Variants in ITGBL1 observed in about 807,000 individuals in gnomAD.
ITGBL1 encodes integrin subunit beta like 1.
A neutral mutation model predicts 68.5 loss-of-function variants in ITGBL1; 51 were observed. The observed-to-expected ratio is 0.74, with a 90% CI of 0.59 to 0.94. ITGBL1 has a LOEUF of 0.94. Among genes scored for constraint, ITGBL1 ranks in the 40% least tolerant of loss-of-function variants. ITGBL1 has a pLI of 0.00. For missense variants in ITGBL1, 649 were observed against 647.4 expected (o/e 1.00, Z -0.03); for synonymous variants, 209 against 227.3 (o/e 0.92, Z 0.72).
chr13:101,605,650 G>A (rs532597382), intron 7 of ITGBL1, among the ~76,000 whole-genome samples: 8 of 151,464 alleles, frequency 5.3e-5, no homozygotes, highest in South Asian at 2.1e-4. Context: ...GTGTGTATGC[G>A]TATGCACGTA....
At chr13:101,710,272 G>A (rs535338397) in intron 9 of ITGBL1, among the ~76,000 whole-genome samples, 2 of 152,290 alleles carry the variant, frequency 1.3e-5, no homozygotes, top group South Asian at 2.1e-4. Flanking sequence ...ACCGGCCTCC[G>A]GACTGTTGGC....
At chr13:101,568,194 C>T (rs756779146) in intron 3 of ITGBL1, among the ~76,000 whole-genome samples, 2 of 152,078 alleles carry the variant, frequency 1.3e-5, no homozygotes, top group Non-Finnish European at 2.9e-5. Flanking sequence ...TTACAGATCA[C>T]GGGTGCTTTG....
At chr13:101,544,466 A>AG (rs1171450902) in intron 2 of ITGBL1, among the ~76,000 whole-genome samples, 2 of 152,084 alleles carry the variant, frequency 1.3e-5, no homozygotes, top group Non-Finnish European at 2.9e-5. Flanking sequence ...TGCCCCTACT[A>AG]GGGGGGTGCC....
At chr13:101,605,076 ATATATGCG>A (rs1404098052) in intron 7 of ITGBL1, among the ~76,000 whole-genome samples, 2 of 145,720 alleles carry the variant, frequency 1.4e-5, no homozygotes, top group Non-Finnish European at 3.0e-5. Context: ...GTGTATATAC[ATATATGCG>A]TATATGTGTA....
intron 7 of ITGBL1, among the ~76,000 whole-genome samples, chr13:101,628,623 G>A (rs1334226907): frequency 7.1e-6 from 1 of 140,388 alleles, no homozygotes; most frequent in African/African-American, 2.8e-5. Context: ...TGTATTTTTA[G>A]TAGAGACTGT....
chr13:101,558,033 G>A (rs1017663445), intron 2 of ITGBL1, among the ~76,000 whole-genome samples: 1 of 137,282 alleles, frequency 7.3e-6, no homozygotes, highest in Non-Finnish European at 1.5e-5. Flanking sequence ...AGGTTGCAGT[G>A]AGCCGAGATC....
chr13:101,489,567 A>G (rs2048747181), intron 2 of ITGBL1, among the ~76,000 whole-genome samples: 1 of 152,194 alleles, frequency 6.6e-6, no homozygotes, highest in African/African-American at 2.4e-5. Context: ...TTGAATATAT[A>G]TCAGATATAT....
In ITGBL1 at chr13:101,583,331, C is replaced by A; in HGVS notation, c.843C>A (p.Asp281Glu). Residue 281 changes from aspartate to glutamate, a missense_variant, in exon 6 of 11, where the codon GAC (aspartate) becomes GAA (glutamate). Transcript: ENST00000376180. ...CDERDCRAVY[D>E]RYSDDFCSGH... ...AGAGGGACTGTAGAGCTGTCTATGACCGATATTCTGATGACTTCTGTTCAG... is the reference window on the plus strand; with the variant it reads ...AGAGGGACTGTAGAGCTGTCTATGAACGATATTCTGATGACTTCTGTTCAG... 1.9e-6 allele frequency: 3 copies of A among 1,596,920 alleles called. No individual in the cohort carries two copies. The highest frequency in any genetic ancestry group is 2.3e-5 in the South Asian group (2 of 88,466).
intron 9 of ITGBL1, among the ~76,000 whole-genome samples, chr13:101,708,003 A>G (rs924265288): frequency 6.7e-6 from 1 of 149,878 alleles, no homozygotes; most frequent in African/African-American, 2.5e-5. Flanking sequence ...AGCCTTCTCC[A>G]TCTCCCATCC....
At chr13:101,456,438 G>T (rs753435415) in intron 2 of ITGBL1, among the ~76,000 whole-genome samples, 1 of 152,160 alleles carries the variant, frequency 6.6e-6, no homozygotes, top group Non-Finnish European at 1.5e-5. Context: ...GATAGTTCCA[G>T]TTGTATCACT....
Position 101,548,746 on chromosome 13 carries a change from T to C in ITGBL1, c.317-18953T>C, listed in dbSNP as rs140240975. 3.5e-3 allele frequency among the ~76,000 whole-genome samples: 528 copies of C among 151,736 alleles called. 3 individuals are homozygous for C. The highest frequency in any genetic ancestry group is 0.014 in the Middle Eastern group (4 of 284). The stretch of plus-strand genomic sequence containing the variant: ...AAACAAAATATCTGAAACAAAAGGA[T>C]TATTAGAATTAATAAGAGAATATAG... On this transcript the variant is annotated intron_variant, in intron 2 of 10. Coordinates refer to ENST00000376180, the MANE Select transcript of ITGBL1 (RefSeq NM_004791.3).
intron 2 of ITGBL1, among the ~76,000 whole-genome samples, chr13:101,507,456 T>C (rs143499473): frequency 9.3e-4 from 141 of 152,334 alleles, no homozygotes; most frequent in African/African-American, 3.2e-3. Context: ...AAATAATACC[T>C]ATTTCTAGAA....
intron 2 of ITGBL1, among the ~76,000 whole-genome samples, chr13:101,534,882 G>A (rs1177433113): frequency 6.6e-6 from 1 of 152,088 alleles, no homozygotes; most frequent in African/African-American, 2.4e-5. Flanking sequence ...AGGAGAGATT[G>A]TGAAATTAAC....
intron 7 of ITGBL1, among the ~76,000 whole-genome samples, chr13:101,691,888 C>G (rs1261587943): frequency 2.0e-5 from 3 of 152,094 alleles, no homozygotes; most frequent in African/African-American, 7.2e-5. Flanking sequence ...TGATGTCATG[C>G]AGGGAATGAT....
chr13:101,471,376 C>T (rs1022425194), intron 2 of ITGBL1, among the ~76,000 whole-genome samples: 1 of 152,134 alleles, frequency 6.6e-6, no homozygotes, highest in African/African-American at 2.4e-5. Flanking sequence ...AAATTATATA[C>T]TCCTCAAGGG....
At chr13:101,523,608 A>G (rs2049322698) in intron 2 of ITGBL1, among the ~76,000 whole-genome samples, 1 of 152,176 alleles carries the variant, frequency 6.6e-6, no homozygotes, top group African/African-American at 2.4e-5. Context: ...GACTTCCAAA[A>G]CGTCAAAACT....
chr13:101,674,426 G>A (rs1257505487), intron 7 of ITGBL1, among the ~76,000 whole-genome samples: 3 of 152,010 alleles, frequency 2.0e-5, no homozygotes, highest in African/African-American at 7.3e-5. Flanking sequence ...ACTATCTTTG[G>A]AGAACCTCTC....
At chr13:101,618,258 G>T (rs1247474115) in intron 7 of ITGBL1, among the ~76,000 whole-genome samples, 1 of 152,170 alleles carries the variant, frequency 6.6e-6, no homozygotes, top group East Asian at 1.9e-4. Context: ...GCCTACTATA[G>T]ATCAAAGACT....
At chr13:101,510,093 G>A (rs1031615361) in intron 2 of ITGBL1, among the ~76,000 whole-genome samples, 1 of 151,978 alleles carries the variant, frequency 6.6e-6, no homozygotes, top group African/African-American at 2.4e-5. Context: ...ATTGTTACAT[G>A]GGTATATTGG....
Sources: allele counts gnomAD v4.1 joint callset (sites outside exome capture counted in the v4.1 genomes callset), GRCh38; gene constraint gnomAD v4.1.1; transcripts MANE v1.5; gene names NCBI Gene and HGNC (gene_info 2026-07-23, HGNC 2026-07-21).